Variants in PDE4C observed in about 807,000 individuals in gnomAD.
The protein encoded by PDE4C is 3',5'-cyclic-AMP phosphodiesterase 4C.
PDE4C carries 50 observed loss-of-function variants against 63.9 expected under a neutral mutation model. The ratio of observed to expected loss-of-function variants is 0.78; its 90% confidence interval spans 0.62 to 0.99. The LOEUF is 0.99. Among genes scored for constraint, PDE4C ranks in the 50% least tolerant of loss-of-function variants. The pLI, the probability that PDE4C is intolerant of heterozygous loss-of-function variation, is 0.00. For synonymous variants in PDE4C, 377 were observed against 385.1 expected, an observed-to-expected ratio of 0.98 and a Z score of 0.25; for missense variants, 777 against 899.1, an observed-to-expected ratio of 0.86 and a Z score of 1.74.
chr19:18,221,049 T>TCCGCCTGGCCCCGCCCCACC, intron 4 of PDE4C, 56 bp downstream of exon 4: 3 of 1,239,968 alleles, frequency 2.4e-6, no homozygotes, highest in African/African-American at 1.5e-5. Flanking sequence ...CAGCCCGCTT[T>TCCGCCTGGCCCCGCCCCACC]CCGCCCACCT....
chr19:18,245,869 A>T (rs1185063921), intron 1 of PDE4C, among the ~76,000 whole-genome samples: 2 of 152,030 alleles, frequency 1.3e-5, no homozygotes, highest in African/African-American at 4.8e-5. Flanking sequence ...TTTGAGACGG[A>T]GTCTCGCTCT....
upstream of PDE4C, chr19:18,250,193 A>C: frequency 2.5e-6 from 1 of 398,780 alleles, no homozygotes; most frequent in Non-Finnish European, 4.4e-6. Flanking sequence ...GAAGGAACAC[A>C]CAGGGAGGCA....
At chr19:18,218,960 T>C (rs1320887946) in exon 9 of PDE4C, 1 of 1,613,452 alleles carries the variant, frequency 6.2e-7, no homozygotes, top group South Asian at 1.1e-5. Flanking sequence ...CTGAATATGA[T>C]AGCTGTGAGG....
At chr19:18,224,235 C>G (rs1385358381) in intron 1 of PDE4C, 1 of 985,348 alleles carries the variant, frequency 1.0e-6, no homozygotes, top group Non-Finnish European at 1.2e-6. Context: ...AGGCGGTGAC[C>G]TGGGGGTGGG....
intron 2 of PDE4C, among the ~76,000 whole-genome samples, chr19:18,221,711 G>A (rs563383520): frequency 5.3e-4 from 81 of 152,142 alleles, no homozygotes; most frequent in Admixed American, 1.6e-3. Context: ...TACAACCTCC[G>A]CCTCCTGGGT....
chr19:18,220,255 AC>A lies in PDE4C; in HGVS notation c.676del (p.Val226CysfsTer21), dbSNP rs1968396789. On this transcript the variant is annotated frameshift_variant, in exon 7 of 15. Transcript: ENST00000262805. LOFTEE classifies it high-confidence loss of function. The surrounding 1 kb of genome is among the most constrained non-coding windows in gnomAD (Gnocchi z 5.1). Reference sequence around the variant, plus strand: ...GAAGGTCCGGGAGATGTACTCGGACACCTGGTTCCCGGAGCGGCTGGTTTCG... The same window carrying A: ...GAAGGTCCGGGAGATGTACTCGGACACTGGTTCCCGGAGCGGCTGGTTTCG... 4.3e-6 allele frequency: 7 copies of A among 1,613,960 alleles called. No individual in the cohort carries two copies. Among genetic ancestry groups the A allele is most frequent in the Admixed American group, 1.7e-5 (1 of 60,000 alleles).
chr19:18,221,048 T>TGCCGCCAGGCCCCGCCCCAC, intron 4 of PDE4C, 57 bp downstream of exon 4: 2 of 607,670 alleles, frequency 3.3e-6, no homozygotes, highest in African/African-American at 6.5e-5. Flanking sequence ...GCAGCCCGCT[T>TGCCGCCAGGCCCCGCCCCAC]TCCGCCCACC....
At chr19:18,230,403 C>A (rs1968824577), upstream of PDE4C, among the ~76,000 whole-genome samples, 1 of 152,154 alleles carries the variant, frequency 6.6e-6, no homozygotes, top group African/African-American at 2.4e-5. Context: ...ACTGGGGAGG[C>A]TGAGGTAGGG....
At chr19:18,217,735 A>T (rs1968260543) in intron 11 of PDE4C, among the ~76,000 whole-genome samples, 1 of 152,014 alleles carries the variant, frequency 6.6e-6, no homozygotes, top group Non-Finnish European at 1.5e-5. Context: ...TGTCTCTACG[A>T]AAAATACAAA....
At chr19:18,226,605 CTTTTTTTTTT>C (rs34009293), upstream of PDE4C, 43 of 204,132 alleles carry the variant, frequency 2.1e-4, 1 homozygote, top group East Asian at 3.2e-3. Flanking sequence ...CTCTCTGCTC[CTTTTTTTTTT>C]TTTTTTTTTT....
At chr19:18,244,522 G>A (rs1054864650) in intron 1 of PDE4C, among the ~76,000 whole-genome samples, 1 of 150,664 alleles carries the variant, frequency 6.6e-6, no homozygotes, top group African/African-American at 2.4e-5. Flanking sequence ...GTTTTGGTTT[G>A]TTTTTTGAGA....
intron 11 of PDE4C, among the ~76,000 whole-genome samples, chr19:18,217,676 C>A (rs551288329): frequency 3.9e-5 from 6 of 152,100 alleles, no homozygotes; most frequent in African/African-American, 1.4e-4. Flanking sequence ...GCAGACAGAT[C>A]GCTTGAGGCC....
the PDE4C span, among the ~76,000 whole-genome samples, chr19:18,254,433 G>A: frequency 1.3e-5 from 2 of 152,228 alleles, no homozygotes; most frequent in Admixed American, 1.3e-4. Flanking sequence ...TAAAAATAAA[G>A]ATGTTTCTAG....
chr19:18,222,101 G>A (rs766797267), intron 2 of PDE4C, 31 bp downstream of exon 2: 9 of 1,570,366 alleles, frequency 5.7e-6, no homozygotes, highest in Admixed American at 5.1e-5. Context: ...GGAGGGTAGA[G>A]GCGGTGTCAT....
At chr19:18,212,938 G>A (rs1968022769) in intron 13 of PDE4C, among the ~76,000 whole-genome samples, 1 of 146,916 alleles carries the variant, frequency 6.8e-6, no homozygotes, top group South Asian at 2.2e-4. Flanking sequence ...TGCCTGCCTC[G>A]GCCTCCCAAA....
rs1033454106 is a variant in PDE4C at position 18,221,013 on chromosome 19, G to A, written c.450-90C>T. ...GCCCCGCCCCTCAAACCCACCTGGA[G>A]GCGCCGGAGCCCCAGCCTCAATTTG... is the stretch of plus-strand genomic sequence containing the variant. On this transcript the variant is annotated intron_variant, in intron 4 of 14. Transcript: ENST00000262805. 1.4e-5 allele frequency: 21 copies of A among 1,449,798 alleles called. No homozygotes were observed. The East Asian group carries it at 5.0e-4, about 35-fold the overall frequency. 89.8% of individuals were successfully genotyped at this position (1,449,798 alleles called of 1,614,324 possible). A position where few individuals can be genotyped will look rare whatever the true frequency, so the allele number is the denominator to read the frequency against.
exon 1 of PDE4C, chr19:18,233,090 C>G: frequency 6.4e-7 from 1 of 1,570,510 alleles, no homozygotes; most frequent in South Asian, 1.2e-5. Context: ...GCCGGGGTTG[C>G]CGCCACAGGT....
intron 1 of PDE4C, among the ~76,000 whole-genome samples, 182 bp from the exon 2 acceptor site, chr19:18,222,505 T>C (rs1238529729): frequency 1.3e-5 from 2 of 151,960 alleles, no homozygotes; most frequent in South Asian, 2.1e-4. Context: ...ACTTTGGTCT[T>C]TGAGTCTACA....
At chr19:18,215,507 T>C (rs1171215562) in intron 12 of PDE4C, among the ~76,000 whole-genome samples, 2 of 150,790 alleles carry the variant, frequency 1.3e-5, no homozygotes, top group East Asian at 3.9e-4. Flanking sequence ...AAAATTCAAA[T>C]GGATAGATGT....
Sources: gnomAD v4.1 joint callset for allele counts (sites outside exome capture counted in the v4.1 genomes callset) on GRCh38, gnomAD v4.1.1 for gene constraint, Gnocchi (gnomAD v3.1) non-coding constraint, MANE v1.5 for transcripts, NCBI Gene and HGNC (gene_info 2026-07-23, HGNC 2026-07-21) for gene names.